The following CCDC102B variants were observed in gnomAD, a reference collection of about 807,000 sequenced individuals.
CCDC102B encodes the protein coiled-coil domain containing 102B.
A neutral mutation model predicts 57.4 loss-of-function variants in CCDC102B; 75 were observed. That is an observed-to-expected ratio of 1.31 (90% CI 1.08 to 1.58). CCDC102B has a LOEUF of 1.58. Ranked by LOEUF, CCDC102B falls within the 40% of genes most tolerant of loss-of-function variation. The probability of loss-of-function intolerance (pLI) is 0.00; values close to 1 mark genes in which losing one functional copy is unlikely to be tolerated. For missense variants in CCDC102B, 636 were observed against 582.6 expected, an observed-to-expected ratio of 1.09 and a Z score of -0.94; for synonymous variants, 206 against 201.9, an observed-to-expected ratio of 1.02 and a Z score of -0.17.
At chr18:69,009,876 C>G (rs2051454975) in intron 6 of CCDC102B, among the ~76,000 whole-genome samples, 1 of 134,170 alleles carries the variant, frequency 7.5e-6, no homozygotes, top group African/African-American at 2.6e-5. Context: ...AGTATTATAA[C>G]ATTATGAAGA....
At chr18:68,765,365 G>GAAAGAA (rs2034423327) in intron 2 of CCDC102B, among the ~76,000 whole-genome samples, 1 of 118,776 alleles carries the variant, frequency 8.4e-6, no homozygotes, top group Non-Finnish European at 1.8e-5. Flanking sequence ...AAGAAAGAAA[G>GAAAGAA]AAAGAAAGAA....
intron 2 of CCDC102B, among the ~76,000 whole-genome samples, chr18:68,771,351 AAG>A (rs755840024): frequency 5.9e-5 from 9 of 152,234 alleles, no homozygotes; most frequent in Non-Finnish European, 1.3e-4. Context: ...AAGAAGCTGT[AAG>A]AGGGACTGGT....
chr18:68,791,527 ATG>A lies in CCDC102B; in HGVS notation c.-66-31837_-66-31836del, dbSNP rs892365962. Reference sequence around the variant, plus strand: ...GCAAACAAAAATGGGTTTTGTAACAATGTTTTTTTTTGTTTTTATTCCTTATG... The same window carrying A: ...GCAAACAAAAATGGGTTTTGTAACAATTTTTTTTTGTTTTTATTCCTTATG... On this transcript the variant is annotated intron_variant, in intron 2 of 3. Coordinates refer to the CCDC102B transcript ENST00000578970. Among the ~76,000 whole-genome samples, 7 of 8,546 alleles carry A rather than the reference ATG, an allele frequency of 8.2e-4. No homozygotes were observed. In the Non-Finnish European group the frequency reaches 0.026, roughly 32 times the overall value. 5.6% of individuals were successfully genotyped at this position (8,546 alleles called of 152,430 possible).
intron 2 of CCDC102B, among the ~76,000 whole-genome samples, chr18:68,790,314 C>A (rs1036798206): frequency 3.8e-4 from 50 of 130,428 alleles, no homozygotes; most frequent in African/African-American, 1.3e-3. Flanking sequence ...AGAGGTGGAG[C>A]GTACAGAGGC....
intron 1 of CCDC102B, among the ~76,000 whole-genome samples, chr18:68,809,328 T>C (rs2036156258): frequency 6.6e-6 from 1 of 152,200 alleles, no homozygotes; most frequent in Non-Finnish European, 1.5e-5. Context: ...ATTTACCATA[T>C]AAATATTTAT....
At chr18:68,867,876 G>A (rs2039070757) in intron 4 of CCDC102B, among the ~76,000 whole-genome samples, 1 of 152,066 alleles carries the variant, frequency 6.6e-6, no homozygotes, top group Non-Finnish European at 1.5e-5. Context: ...GGAGCTTGCA[G>A]TGAGCCGAGG....
intron 6 of CCDC102B, among the ~76,000 whole-genome samples, chr18:68,975,295 C>T (rs2050406029): frequency 6.6e-6 from 1 of 151,834 alleles, no homozygotes; most frequent in African/African-American, 2.4e-5. Context: ...TTTCATAGGT[C>T]ATAAGAAAGC....
At chr18:69,012,530 G>C (rs2051546718) in intron 7 of CCDC102B, among the ~76,000 whole-genome samples, 1 of 152,092 alleles carries the variant, frequency 6.6e-6, no homozygotes, top group African/African-American at 2.4e-5. Context: ...GTCAGGTTTG[G>C]TCATGTGATA....
intron 2 of CCDC102B, among the ~76,000 whole-genome samples, chr18:68,765,108 A>C (rs1453848528): frequency 6.7e-6 from 1 of 148,466 alleles, no homozygotes; most frequent in East Asian, 2.0e-4. Flanking sequence ...CTGTCATCCC[A>C]GCTACTCTGG....
At chr18:69,020,786 A>T (rs2051810866) in intron 7 of CCDC102B, among the ~76,000 whole-genome samples, 2 of 152,318 alleles carry the variant, frequency 1.3e-5, no homozygotes, top group Middle Eastern at 3.4e-3. Context: ...TACCAGTAAA[A>T]TATAAAGAAA....
At chr18:69,044,741 T>C (rs149001892) in intron 7 of CCDC102B, among the ~76,000 whole-genome samples, 13 of 150,296 alleles carry the variant, frequency 8.6e-5, no homozygotes, top group African/African-American at 3.1e-4. Flanking sequence ...ACAGTAACAG[T>C]TGGGAACCAC....
chr18:68,939,590 G>A (rs1344651196), intron 6 of CCDC102B, among the ~76,000 whole-genome samples: 1 of 151,578 alleles, frequency 6.6e-6, no homozygotes, highest in Non-Finnish European at 1.5e-5. Flanking sequence ...TCCTGTTATT[G>A]GAAAGTAAAG....
intron 7 of CCDC102B, among the ~76,000 whole-genome samples, chr18:69,021,759 G>A (rs2051839698): frequency 6.6e-6 from 1 of 152,196 alleles, no homozygotes; most frequent in Non-Finnish European, 1.5e-5. Flanking sequence ...GTAGCAGCCT[G>A]TGCCTCTAGC....
At chr18:68,887,478 A>G (rs764935560) in intron 5 of CCDC102B, among the ~76,000 whole-genome samples, 1 of 152,242 alleles carries the variant, frequency 6.6e-6, no homozygotes, top group African/African-American at 2.4e-5. Flanking sequence ...ACCTTTCAGT[A>G]AAAAGGTCAG....
intron 6 of CCDC102B, among the ~76,000 whole-genome samples, chr18:68,949,798 C>T (rs1390067482): frequency 1.3e-5 from 2 of 152,092 alleles, no homozygotes; most frequent in Non-Finnish European, 1.5e-5. Flanking sequence ...AAAGCTTCTG[C>T]TAGTATTATG....
At chr18:69,024,963 A>G (rs1486947318) in intron 7 of CCDC102B, among the ~76,000 whole-genome samples, 2 of 152,102 alleles carry the variant, frequency 1.3e-5, no homozygotes, top group African/African-American at 4.8e-5. Context: ...AACAACTTGC[A>G]TAATCAGATC....
chr18:68,818,320 A>C (rs558398925), intron 1 of CCDC102B, among the ~76,000 whole-genome samples: 11 of 152,308 alleles, frequency 7.2e-5, no homozygotes, highest in African/African-American at 2.6e-4. Flanking sequence ...GAAAGCTAGA[A>C]ATTTGGAAAG....
intron 2 of CCDC102B, among the ~76,000 whole-genome samples, chr18:68,775,754 A>G (rs1599443025): frequency 6.6e-6 from 1 of 150,418 alleles, no homozygotes; most frequent in South Asian, 2.1e-4. Context: ...CCTGGGTTCA[A>G]GTGATTCTCC....
intron 7 of CCDC102B, among the ~76,000 whole-genome samples, chr18:69,019,925 T>C (rs956921763): frequency 6.6e-6 from 1 of 152,122 alleles, no homozygotes; most frequent in Non-Finnish European, 1.5e-5. Flanking sequence ...CATAAACAGG[T>C]GTTGAACTTC....
Sources: gnomAD v4.1 joint callset for allele counts (sites outside exome capture counted in the v4.1 genomes callset) on GRCh38, gnomAD v4.1.1 for gene constraint, MANE v1.5 for transcripts, NCBI Gene and HGNC (gene_info 2026-07-23, HGNC 2026-07-21) for gene names.